The following LRGUK variants were observed in gnomAD, a reference collection of about 807,000 sequenced individuals.
LRGUK encodes the protein leucine-rich repeat and guanylate kinase domain-containing protein.
In LRGUK, 65 loss-of-function variants were observed where a neutral mutation model predicts 76.0. The ratio of observed to expected loss-of-function variants is 0.85; its 90% confidence interval spans 0.70 to 1.05. LRGUK has a LOEUF of 1.05. LRGUK is among the 50% of genes least tolerant of loss of function. LRGUK has a pLI of 0.00. For missense variants in LRGUK, 758 were observed against 732.8 expected, an observed-to-expected ratio of 1.03 and a Z score of -0.40; for synonymous variants, 268 against 265.6, an observed-to-expected ratio of 1.01 and a Z score of -0.09.
intron 10 of LRGUK, among the ~76,000 whole-genome samples, chr7:134,181,768 T>A (rs1799762522): frequency 1.3e-5 from 2 of 152,222 alleles, no homozygotes; most frequent in African/African-American, 4.8e-5. Context: ...TTTTCCTCAA[T>A]GTTGATATCT....
chr7:134,252,339 T>TAATTAAATTA (rs146773478), intron 18 of LRGUK, among the ~76,000 whole-genome samples: 3,847 of 145,754 alleles, frequency 0.026, 57 homozygotes, highest in Middle Eastern at 0.041. Context: ...CTCAAATAGA[T>TAATTAAATTA]AATTAAATTA....
intron 16 of LRGUK, among the ~76,000 whole-genome samples, chr7:134,227,186 T>C (rs1801786488): frequency 6.6e-6 from 1 of 152,066 alleles, no homozygotes; most frequent in Non-Finnish European, 1.5e-5. Context: ...CTAATTGAGG[T>C]AGACATGGTT....
chr7:134,236,225 A>G (rs986803754), intron 16 of LRGUK, among the ~76,000 whole-genome samples: 3 of 152,192 alleles, frequency 2.0e-5, no homozygotes, highest in African/African-American at 4.8e-5. Context: ...AAGCCCTTCC[A>G]TGAGCCCCAT....
intron 18 of LRGUK, among the ~76,000 whole-genome samples, chr7:134,256,795 C>T (rs906312274): frequency 2.6e-5 from 4 of 151,714 alleles, no homozygotes; most frequent in African/African-American, 9.7e-5. Flanking sequence ...TTTGTGTTTT[C>T]CTTCATATCT....
exon 18 of LRGUK, chr7:134,249,033 G>A (rs750982217): frequency 1.3e-6 from 2 of 1,597,704 alleles, no homozygotes; most frequent in Admixed American, 3.4e-5. Context: ...TGATCTTTGT[G>A]AAGACTATTT....
chr7:134,258,681 G>C (rs1352726706), intron 19 of LRGUK, among the ~76,000 whole-genome samples: 1 of 150,900 alleles, frequency 6.6e-6, no homozygotes. Flanking sequence ...GGTAACAAGA[G>C]CAAAACTCCG....
At position 134,177,100 on chromosome 7, in the gene LRGUK, TG is replaced by T. The variant is rs767852957; in HGVS notation, c.1107+40del. ...TGTCATAACATTACCATTGTGTTAT[TG>T]GGTTAATATGCTCAAAAGCTCGTGT... On this transcript the variant is annotated intron_variant, in intron 9 of 15. Coordinates refer to ENST00000645682, the Ensembl canonical transcript of LRGUK. 106 of 1,299,528 alleles carry T rather than the reference TG, an allele frequency of 8.2e-5. No homozygotes were observed. In the African/African-American group the frequency reaches 1.3e-3, roughly 16 times the overall value. 80.5% of individuals were successfully genotyped at this position (1,299,528 alleles called of 1,614,324 possible).
chr7:134,194,941 A>C (rs1800417408), intron 12 of LRGUK, among the ~76,000 whole-genome samples: 1 of 152,164 alleles, frequency 6.6e-6, no homozygotes, highest in African/African-American at 2.4e-5. Context: ...GCAGGAGACC[A>C]CATTTTATCA....
chr7:134,257,544 A>G (rs933898582), intron 18 of LRGUK, among the ~76,000 whole-genome samples: 1 of 152,130 alleles, frequency 6.6e-6, no homozygotes, highest in Non-Finnish European at 1.5e-5. Context: ...GGTGGCTTAC[A>G]CTTGTAATCC....
At chr7:134,273,889 T>C in the LRGUK span, among the ~76,000 whole-genome samples, 235 of 152,292 alleles carry the variant, frequency 1.5e-3, 1 homozygote, top group African/African-American at 5.5e-3. Flanking sequence ...TTAATAATAG[T>C]CTATTCAATA....
At chr7:134,248,967 C>A in exon 18 of LRGUK, 1 of 1,532,858 alleles carries the variant, frequency 6.5e-7, no homozygotes. Flanking sequence ...AGTACCAGCA[C>A]CTCTCACCAG....
chr7:134,174,566 T>C, exon 8 of LRGUK: 1 of 1,603,364 alleles, frequency 6.2e-7, no homozygotes, highest in Admixed American at 1.7e-5. Context: ...ATTGCTGAGC[T>C]GAGAGAAATA....
At chr7:134,243,507 C>T (rs1351775548) in intron 16 of LRGUK, among the ~76,000 whole-genome samples, 1 of 152,050 alleles carries the variant, frequency 6.6e-6, no homozygotes. Context: ...ATGTGAAGGA[C>T]CTCTTCAAGG....
chr7:134,213,778 A>C (rs1298592396), downstream of LRGUK, among the ~76,000 whole-genome samples: 1 of 152,188 alleles, frequency 6.6e-6, no homozygotes, highest in Non-Finnish European at 1.5e-5. Flanking sequence ...GAGTATCAAC[A>C]GGAGATTTTT....
At chr7:134,143,939 C>G (rs183432076) in intron 4 of LRGUK, among the ~76,000 whole-genome samples, 1 of 152,302 alleles carries the variant, frequency 6.6e-6, no homozygotes, top group African/African-American at 2.4e-5. Flanking sequence ...ATCGGTCATA[C>G]TTAAGTAGCA....
exon 13 of LRGUK, chr7:134,197,070 G>A (rs1455916065): frequency 6.2e-7 from 1 of 1,611,214 alleles, no homozygotes; most frequent in Non-Finnish European, 8.5e-7. Flanking sequence ...TATCGCAAGA[G>A]ATGGTTTGGC....
chr7:134,276,504 G>C, the LRGUK span, among the ~76,000 whole-genome samples: 1 of 152,146 alleles, frequency 6.6e-6, no homozygotes, highest in African/African-American at 2.4e-5. Flanking sequence ...GGAGATGGAT[G>C]GGGACATATC....
intron 13 of LRGUK, 135 bp from the exon 14 acceptor site, chr7:134,199,085 C>A: frequency 5.1e-6 from 3 of 587,036 alleles, no homozygotes; most frequent in African/African-American, 1.9e-5. Context: ...AAAATAGTAG[C>A]TAACTATACA....
intron 1 of LRGUK, among the ~76,000 whole-genome samples, chr7:134,129,355 T>C (rs1585403530): frequency 4.4e-5 from 2 of 45,974 alleles, no homozygotes; most frequent in Admixed American, 2.7e-4. Flanking sequence ...CCCTCTACTC[T>C]CTCCTTCCTG....
Sources: allele counts gnomAD v4.1 joint callset (sites outside exome capture counted in the v4.1 genomes callset), GRCh38; gene constraint gnomAD v4.1.1; transcripts MANE v1.5; gene names NCBI Gene and HGNC (gene_info 2026-07-23, HGNC 2026-07-21).